The following QSOX2 variants were observed in gnomAD, a reference collection of about 807,000 sequenced individuals.
QSOX2 encodes the protein quiescin sulfhydryl oxidase 2, also known as sulfhydryl oxidase 2.
A neutral mutation model predicts 61.7 loss-of-function variants in QSOX2; 46 were observed. That is an observed-to-expected ratio of 0.75 (90% CI 0.59 to 0.95). The LOEUF (loss-of-function observed/expected upper bound fraction) is 0.95, where lower values mean the gene tolerates loss of function less well. Among genes scored for constraint, QSOX2 ranks in the 40% least tolerant of loss-of-function variants. The pLI, the probability that QSOX2 is intolerant of heterozygous loss-of-function variation, is 0.00. For synonymous variants in QSOX2, 383 were observed against 388.4 expected, an observed-to-expected ratio of 0.99 and a Z score of 0.16; for missense variants, 879 against 918.9, an observed-to-expected ratio of 0.96 and a Z score of 0.56.
At chr9:136,211,023 G>C in intron 11 of QSOX2, 1 of 581,530 alleles carries the variant, frequency 1.7e-6, no homozygotes. Context: ...CCATTTCCAC[G>C]GGGTCGAAGA....
chr9:136,227,198 C>A (rs564542333), intron 1 of QSOX2, among the ~76,000 whole-genome samples: 4 of 152,178 alleles, frequency 2.6e-5, no homozygotes, highest in Non-Finnish European at 4.4e-5. Flanking sequence ...GTAACAGACG[C>A]GGCTGTCAGC....
At position 136,211,255 on chromosome 9, in the gene QSOX2, G is replaced by T; in HGVS notation, c.1549+9C>A. On this transcript the variant is annotated intron_variant, in intron 11 of 11. Coordinates refer to ENST00000358701, the MANE Select transcript of QSOX2 (RefSeq NM_181701.4). ...CGTGCTGAGCCCCCCATGCCCAGGG[G>T]CTTCTCACCTGCCAGGCGGCCGTTC... 1 of 1,613,304 alleles carries T rather than the reference G, an allele frequency of 6.2e-7. No homozygotes were observed.
chr9:136,233,075 C>T (rs1305068362), intron 1 of QSOX2, among the ~76,000 whole-genome samples: 1 of 152,074 alleles, frequency 6.6e-6, no homozygotes, highest in Non-Finnish European at 1.5e-5. Context: ...GAGCGAGCAC[C>T]AGTCGGGAGA....
intron 1 of QSOX2, among the ~76,000 whole-genome samples, chr9:136,231,240 C>T (rs1232190189): frequency 1.3e-5 from 2 of 152,208 alleles, no homozygotes; most frequent in Non-Finnish European, 2.9e-5. Flanking sequence ...GGCAAACGTC[C>T]TAACAGGCGT....
rs954338467 is a variant in QSOX2, at chr9:136,208,077, G to T, written c.*651C>A. On this transcript the variant is annotated 3_prime_UTR_variant, in exon 12 of 12. Transcript: ENST00000358701. Reference sequence around the variant, plus strand: ...TCCCCTGTTGAAATCCCCACGTCTGGTGTCGAACACCCGGAGGAACAAGGA... The same window carrying T: ...TCCCCTGTTGAAATCCCCACGTCTGTTGTCGAACACCCGGAGGAACAAGGA... 1 of 152,030 alleles carries T rather than the reference G, an allele frequency of 6.6e-6. No homozygotes were observed. The highest frequency in any genetic ancestry group is 2.4e-5 in the African/African-American group (1 of 41,272). 9.4% of individuals were successfully genotyped at this position (152,030 alleles called of 1,614,324 possible). A position where few individuals can be genotyped will look rare whatever the true frequency, so the allele number is the denominator to read the frequency against.
At chr9:136,231,261 G>A (rs1246854538) in intron 1 of QSOX2, among the ~76,000 whole-genome samples, 4 of 152,142 alleles carry the variant, frequency 2.6e-5, no homozygotes, top group Non-Finnish European at 4.4e-5. Context: ...GCCCGACTCC[G>A]ACTAGCGTGT....
At chr9:136,242,696 G>C (rs1830442204) in intron 1 of QSOX2, among the ~76,000 whole-genome samples, 1 of 152,254 alleles carries the variant, frequency 6.6e-6, no homozygotes, top group Non-Finnish European at 1.5e-5. Flanking sequence ...ACAGTTCTGA[G>C]CTGGCAGGTC....
chr9:136,244,070 C>A (rs191139336), intron 1 of QSOX2, among the ~76,000 whole-genome samples: 5 of 152,074 alleles, frequency 3.3e-5, no homozygotes, highest in Admixed American at 2.0e-4. Flanking sequence ...AAAAAAAAAT[C>A]AAAACCAAAA....
At chr9:136,232,154 G>A (rs914028540) in intron 1 of QSOX2, among the ~76,000 whole-genome samples, 2 of 152,094 alleles carry the variant, frequency 1.3e-5, no homozygotes, top group South Asian at 2.1e-4. Flanking sequence ...AGGAAATGAC[G>A]TTGACAGAAA....
chr9:136,230,964 A>G (rs1343135853), intron 1 of QSOX2, among the ~76,000 whole-genome samples: 1 of 152,200 alleles, frequency 6.6e-6, no homozygotes, highest in Non-Finnish European at 1.5e-5. Flanking sequence ...ATTTGAACAC[A>G]GGTAACACCT....
Sources: allele counts gnomAD v4.1 joint callset (sites outside exome capture counted in the v4.1 genomes callset), GRCh38; gene constraint gnomAD v4.1.1; transcripts MANE v1.5; gene names NCBI Gene and HGNC (gene_info 2026-07-23, HGNC 2026-07-21).